Variants in DNAJC13 observed in about 807,000 individuals in gnomAD.
DNAJC13 encodes DnaJ heat shock protein family (Hsp40) member C13.
A neutral mutation model predicts 290.5 loss-of-function variants in DNAJC13; 75 were observed. The ratio of observed to expected loss-of-function variants is 0.26; its 90% CI spans 0.21 to 0.31. The LOEUF (loss-of-function observed/expected upper bound fraction) is 0.31. Ranked by LOEUF, DNAJC13 falls within the 10% of genes least tolerant of loss-of-function variation. DNAJC13 has a pLI of 1.00. For missense variants in DNAJC13, 2,260 were observed against 2,674.5 expected, an observed-to-expected ratio of 0.85 and a Z score of 3.42; for synonymous variants, 862 against 892.0, an observed-to-expected ratio of 0.97 and a Z score of 0.60.
At chr3:132,496,458 C>A in intron 35 of DNAJC13, 70 bp from the exon 36 acceptor site, 3 of 1,353,178 alleles carry the variant, frequency 2.2e-6, no homozygotes, top group South Asian at 3.2e-5. Context: ...AAATGCAAAC[C>A]ATATGTCTTG....
intron 20 of DNAJC13, among the ~76,000 whole-genome samples, chr3:132,472,337 T>C (rs560337095): frequency 2.8e-4 from 42 of 152,348 alleles, no homozygotes; most frequent in Non-Finnish European, 5.9e-4. Flanking sequence ...CTTAAGTATG[T>C]GCCTATCTCT....
chr3:132,530,606 G>A (rs1199271060), intron 54 of DNAJC13, among the ~76,000 whole-genome samples: 1 of 152,092 alleles, frequency 6.6e-6, no homozygotes, highest in Non-Finnish European at 1.5e-5. Context: ...TTAAGTTTTA[G>A]CTCAATTTGG....
Position 132,516,698 on chromosome 3 carries a change from T to C in DNAJC13, c.5561-6T>C. 6.2e-7 allele frequency: 1 copy of C among 1,606,672 alleles called. No individual in the cohort carries two copies. The highest frequency in any genetic ancestry group is 8.5e-7 in the Non-Finnish European group (1 of 1,177,710). On this transcript the variant is annotated splice_region_variant and splice_polypyrimidine_tract_variant and intron_variant, in intron 47 of 55. Coordinates refer to ENST00000260818, the MANE Select transcript of DNAJC13 (RefSeq NM_015268.4). ...TATAAGCACTAATTATCTTTTTCCT[T>C]CATAGGTGCTTTGATCTATTTACTG... is the stretch of plus-strand genomic sequence containing the variant.
Position 132,538,201 on chromosome 3 carries a change from C to A in DNAJC13, c.6651C>A (p.Thr2217=). Residue 2217 remains threonine (T), a synonymous_variant, in exon 56 of 56, where the codon ACC becomes ACA. Transcript: ENST00000260818. ...LTGPGVAGYL[T]AGTSTSVMSN... ...GACCTGGAGTTGCTGGCTACCTTACCGCAGGTACATCTACATCAGTCATGT... is the reference window on the plus strand; with the variant it reads ...GACCTGGAGTTGCTGGCTACCTTACAGCAGGTACATCTACATCAGTCATGT... The A allele has an allele frequency of 1.9e-6, 3 of 1,613,770 alleles. No individual in the cohort carries two copies. Among genetic ancestry groups the A allele is most frequent in the Admixed American group, 1.7e-5 (1 of 60,002 alleles).
intron 2 of DNAJC13, among the ~76,000 whole-genome samples, chr3:132,442,614 G>A (rs576068372): frequency 2.6e-5 from 4 of 152,008 alleles, no homozygotes; most frequent in Admixed American, 6.5e-5. Flanking sequence ...TAAAGCAGTC[G>A]CCTCAAACAC....
rs571499467 is a variant in DNAJC13, at chr3:132,536,271, G to A, written c.6626-1905G>A. On this transcript the variant is annotated intron_variant, in intron 55 of 55. Transcript: ENST00000260818. ...CAACTGTAGTCCACATGGACAGGCC[G>A]AATCCGCTACTCAGTAGGCTGGGGT... Among the ~76,000 whole-genome samples, 127 of 152,282 alleles carry A rather than the reference G, an allele frequency of 8.3e-4. 2 individuals carry two copies. In the South Asian group the frequency reaches 0.026, roughly 31 times the overall value.
chr3:132,526,404 G>A (rs936749066), intron 53 of DNAJC13, 123 bp downstream of exon 53: 3 of 1,136,008 alleles, frequency 2.6e-6, no homozygotes. Flanking sequence ...TTGTGAGTTT[G>A]TGTATAAACA....
At chr3:132,458,641 A>G (rs1320033878) in intron 13 of DNAJC13, among the ~76,000 whole-genome samples, 3 of 152,144 alleles carry the variant, frequency 2.0e-5, no homozygotes, top group African/African-American at 7.2e-5. Flanking sequence ...ACCAATGTAT[A>G]TATTTTTTAA....
intron 1 of DNAJC13, among the ~76,000 whole-genome samples, chr3:132,418,924 A>G (rs1018543004): frequency 3.3e-5 from 5 of 152,242 alleles, no homozygotes; most frequent in African/African-American, 1.2e-4. Flanking sequence ...AAAAAAATAA[A>G]TTTATAGAAA....
chr3:132,456,641 G>A (rs749996221), intron 11 of DNAJC13, 22 bp from the exon 12 acceptor site: 1 of 1,611,500 alleles, frequency 6.2e-7, no homozygotes, highest in Non-Finnish European at 8.5e-7. Flanking sequence ...AAACTTTTTT[G>A]AAATACTCTT....
intron 52 of DNAJC13, 83 bp downstream of exon 52, chr3:132,525,872 T>C (rs1243624856): frequency 2.1e-6 from 3 of 1,445,816 alleles, no homozygotes; most frequent in Non-Finnish European, 2.8e-6. Flanking sequence ...TGTAGTATTA[T>C]ATAAATCCCC....
At chr3:132,443,534 G>C (rs1016012194) in intron 2 of DNAJC13, among the ~76,000 whole-genome samples, 1 of 152,188 alleles carries the variant, frequency 6.6e-6, no homozygotes, top group African/African-American at 2.4e-5. Context: ...CTCTAAATCT[G>C]TTATCTAAGG....
At chr3:132,500,996 A>G in intron 39 of DNAJC13, 83 bp downstream of exon 39, 1 of 1,463,106 alleles carries the variant, frequency 6.8e-7, no homozygotes, top group East Asian at 2.3e-5. Flanking sequence ...GTATAAGCAC[A>G]TTGTTTTCCC....
intron 55 of DNAJC13, among the ~76,000 whole-genome samples, chr3:132,532,815 G>T (rs1936457033): frequency 1.3e-5 from 2 of 151,450 alleles, no homozygotes; most frequent in Non-Finnish European, 2.9e-5. Flanking sequence ...TCAGCTCACT[G>T]CAACCTCTGC....
chr3:132,479,131 C>A (rs76402930), intron 24 of DNAJC13, 96 bp from the exon 25 acceptor site: 1 of 639,402 alleles, frequency 1.6e-6, no homozygotes, highest in Non-Finnish European at 2.7e-6. Flanking sequence ...AATGGCATTA[C>A]TTCTTATGGG....
At chr3:132,499,517 G>A (rs929054617) in intron 37 of DNAJC13, among the ~76,000 whole-genome samples, 2 of 152,134 alleles carry the variant, frequency 1.3e-5, no homozygotes, top group South Asian at 4.1e-4. Flanking sequence ...GTTCAAAACC[G>A]ATAATGGTAA....
At chr3:132,486,390 A>G (rs995793324) in intron 29 of DNAJC13, among the ~76,000 whole-genome samples, 1 of 152,140 alleles carries the variant, frequency 6.6e-6, no homozygotes, top group Admixed American at 6.5e-5. Flanking sequence ...AACTGAAAGG[A>G]AAAAGTAAAT....
chr3:132,510,921 T>A (rs1357336790), intron 43 of DNAJC13, 146 bp from the exon 44 acceptor site: 9 of 791,170 alleles, frequency 1.1e-5, no homozygotes, highest in Non-Finnish European at 1.6e-5. Flanking sequence ...GCCCTCTACA[T>A]CCCCCCTATA....
intron 1 of DNAJC13, among the ~76,000 whole-genome samples, chr3:132,429,330 A>C (rs984763444): frequency 1.3e-5 from 2 of 151,844 alleles, no homozygotes; most frequent in Admixed American, 6.6e-5. Context: ...AAGTTGAGGG[A>C]AGGTATTAAA....
Sources: gnomAD v4.1 joint callset for allele counts (sites outside exome capture counted in the v4.1 genomes callset) on GRCh38, gnomAD v4.1.1 for gene constraint, MANE v1.5 for transcripts, NCBI Gene and HGNC (gene_info 2026-07-23, HGNC 2026-07-21) for gene names.